LRRC69: variants seen among roughly 807,000 people sequenced by gnomAD.
LRRC69 encodes leucine-rich repeat-containing protein 69.
LRRC69 carries 42 observed loss-of-function variants against 37.8 expected under a neutral mutation model. The observed-to-expected ratio is 1.11, with a 90% confidence interval of 0.87 to 1.44. The LOEUF is 1.44. LRRC69 is among the 40% of genes most tolerant of loss of function. The pLI is 0.00. For synonymous variants in LRRC69, 141 were observed against 143.1 expected (o/e 0.99, Z 0.11); for missense variants, 357 against 401.9 (o/e 0.89, Z 0.96).
At chr8:91,178,005 C>T (rs979630506) in intron 5 of LRRC69, among the ~76,000 whole-genome samples, 20 of 152,074 alleles carry the variant, frequency 1.3e-4, no homozygotes, top group African/African-American at 4.3e-4. Context: ...CCCGCCACCA[C>T]ACCCGGCTAA....
At chr8:91,158,554 G>A in intron 5 of LRRC69, 1 of 1,191,020 alleles carries the variant, frequency 8.4e-7, no homozygotes, top group Non-Finnish European at 1.3e-6. Flanking sequence ...CATTTTCACG[G>A]CCATAGCTTC....
intron 5 of LRRC69, among the ~76,000 whole-genome samples, chr8:91,149,824 G>C (rs1365902357): frequency 6.6e-6 from 1 of 151,822 alleles, no homozygotes; most frequent in African/African-American, 2.4e-5. Context: ...TGGATTCCTA[G>C]GTATTTTATT....
At chr8:91,215,286 C>T (rs1757617373) in intron 7 of LRRC69, among the ~76,000 whole-genome samples, 2 of 152,128 alleles carry the variant, frequency 1.3e-5, no homozygotes, top group South Asian at 4.1e-4. Flanking sequence ...ATCTTATGCT[C>T]TTTTTCTATT....
chr8:91,169,193 A>G (rs189629925), intron 5 of LRRC69, among the ~76,000 whole-genome samples: 410 of 152,026 alleles, frequency 2.7e-3, no homozygotes, highest in African/African-American at 9.4e-3. Flanking sequence ...TATAAGTAGG[A>G]GCTAAACACT....
At chr8:91,117,318 A>G (rs1002884557) in intron 1 of LRRC69, among the ~76,000 whole-genome samples, 2 of 152,014 alleles carry the variant, frequency 1.3e-5, no homozygotes, top group Non-Finnish European at 2.9e-5. Flanking sequence ...GTTCATTGCA[A>G]TGAGATAGAA....
chr8:91,169,297 C>T (rs1210643268), intron 5 of LRRC69, among the ~76,000 whole-genome samples: 1 of 151,832 alleles, frequency 6.6e-6, no homozygotes, highest in South Asian at 2.1e-4. Context: ...AACTCTCTAT[C>T]AAGTACTATG....
chr8:91,193,835 T>C (rs1809545558), intron 6 of LRRC69, among the ~76,000 whole-genome samples: 1 of 135,420 alleles, frequency 7.4e-6, no homozygotes, highest in South Asian at 2.6e-4. Context: ...TTGAATACCC[T>C]TTATTTCCTT....
At chr8:91,141,203 C>T (rs1004214341) in intron 5 of LRRC69, among the ~76,000 whole-genome samples, 1 of 152,060 alleles carries the variant, frequency 6.6e-6, no homozygotes, top group Non-Finnish European at 1.5e-5. Context: ...TCAGTTAGTG[C>T]AGGAAACAGT....
chr8:91,187,926 G>C (rs1056087937), intron 5 of LRRC69, among the ~76,000 whole-genome samples: 1 of 152,080 alleles, frequency 6.6e-6, no homozygotes, highest in Non-Finnish European at 1.5e-5. Context: ...TGATCTCTCT[G>C]TATTGGTTTT....
intron 1 of LRRC69, among the ~76,000 whole-genome samples, chr8:91,110,277 A>G (rs1373460931): frequency 4.6e-5 from 7 of 152,088 alleles, no homozygotes; most frequent in African/African-American, 1.7e-4. Flanking sequence ...TGGTATAACC[A>G]TGATTTAGTT....
At chr8:91,197,820 G>A (rs1230645127) in intron 6 of LRRC69, among the ~76,000 whole-genome samples, 1 of 152,064 alleles carries the variant, frequency 6.6e-6, no homozygotes, top group Non-Finnish European at 1.5e-5. Context: ...CGCTCACGGT[G>A]GGAGCTGTAG....
At chr8:91,140,150 T>G (rs1179627071) in intron 5 of LRRC69, among the ~76,000 whole-genome samples, 1 of 150,996 alleles carries the variant, frequency 6.6e-6, no homozygotes, top group Non-Finnish European at 1.5e-5. Flanking sequence ...ATTATCAATG[T>G]ATCAATAGCA....
Position 91,118,805 on chromosome 8 carries a change from A to G in LRRC69, c.184-5688A>G, listed in dbSNP as rs139850051. Among the ~76,000 whole-genome samples the G allele has an allele frequency of 1.4e-4, 22 of 152,216 alleles. No homozygotes were observed. In the East Asian group the frequency reaches 4.1e-3, roughly 28 times the overall value. On this transcript the variant is annotated intron_variant, in intron 1 of 7. Transcript: ENST00000448384. ...ACACATAACCGTAGAGAATGTTACT[A>G]ATGAAACACTGCCTACATTCTTTCT...
At chr8:91,200,705 G>A in exon 7 of LRRC69, 1 of 1,534,318 alleles carries the variant, frequency 6.5e-7, no homozygotes. Context: ...TCAGGAGCAT[G>A]ATCTCTCAGG....
chr8:91,152,945 T>C (rs1440948733), intron 5 of LRRC69, among the ~76,000 whole-genome samples: 2 of 151,090 alleles, frequency 1.3e-5, no homozygotes, highest in African/African-American at 2.4e-5. Flanking sequence ...TTGGATAAAG[T>C]GTCAAGACCC....
chr8:91,212,055 G>A (rs1264552479), intron 7 of LRRC69, among the ~76,000 whole-genome samples: 4 of 152,044 alleles, frequency 2.6e-5, no homozygotes, highest in Non-Finnish European at 5.9e-5. Context: ...TTTTCTAAAT[G>A]CTATAGTTCT....
intron 5 of LRRC69, among the ~76,000 whole-genome samples, chr8:91,173,608 C>T (rs2130586448): frequency 6.6e-6 from 1 of 152,182 alleles, no homozygotes; most frequent in East Asian, 1.9e-4. Context: ...TTGTCTTAAT[C>T]CATCTGGGCT....
chr8:91,176,286 C>T (rs1809228698), intron 5 of LRRC69, among the ~76,000 whole-genome samples: 1 of 151,530 alleles, frequency 6.6e-6, no homozygotes, highest in East Asian at 1.9e-4. Flanking sequence ...AGGCATGTGC[C>T]ACCATGCCCA....
At chr8:91,149,284 G>A (rs1361544930) in intron 5 of LRRC69, among the ~76,000 whole-genome samples, 3 of 151,994 alleles carry the variant, frequency 2.0e-5, no homozygotes, top group Non-Finnish European at 1.5e-5. Context: ...AAGGGATCCA[G>A]TTTCAGCTTT....
Sources: allele counts gnomAD v4.1 joint callset (sites outside exome capture counted in the v4.1 genomes callset), GRCh38; gene constraint gnomAD v4.1.1; transcripts MANE v1.5; gene names NCBI Gene and HGNC (gene_info 2026-07-23, HGNC 2026-07-21).